NIPBL: variants seen among roughly 807,000 people sequenced by gnomAD.
NIPBL encodes the protein nipped-B-like protein.
NIPBL carries 19 observed loss-of-function variants against 321.8 expected under a neutral mutation model. The observed-to-expected ratio is 0.06, with a 90% CI of 0.04 to 0.09. The LOEUF is 0.09. Among genes scored for constraint, NIPBL ranks in the 10% least tolerant of loss-of-function variants. NIPBL has a pLI of 1.00. For missense variants in NIPBL, 2,210 were observed against 3,327.0 expected (o/e 0.66, Z 8.26); for synonymous variants, 1,106 against 1,114.1 (o/e 0.99, Z 0.14).
At chr5:37,018,532 T>C (rs544416658) in intron 24 of NIPBL, among the ~76,000 whole-genome samples, 1 of 152,308 alleles carries the variant, frequency 6.6e-6, no homozygotes, top group Admixed American at 6.5e-5. Context: ...CAGTTGTTTC[T>C]CCTAGGAATC....
chr5:36,975,023 AT>A (rs948019600), intron 8 of NIPBL, among the ~76,000 whole-genome samples: 1 of 152,000 alleles, frequency 6.6e-6, no homozygotes, highest in African/African-American at 2.4e-5. Flanking sequence ...CCATCTGATT[AT>A]TTTTAACACT....
At chr5:37,031,603 C>T (rs1751026010) in intron 32 of NIPBL, among the ~76,000 whole-genome samples, 1 of 152,146 alleles carries the variant, frequency 6.6e-6, no homozygotes, top group South Asian at 2.1e-4. Context: ...AAGGAAAATA[C>T]AGGCAATGAA....
chr5:36,893,274 G>A (rs987990090), intron 1 of NIPBL, among the ~76,000 whole-genome samples: 3 of 152,220 alleles, frequency 2.0e-5, no homozygotes, highest in Admixed American at 6.5e-5. Flanking sequence ...TTAAAGGGAT[G>A]CTTTTAAAAT....
chr5:36,886,133 G>C (rs1220567660), intron 1 of NIPBL: 5 of 649,598 alleles, frequency 7.7e-6, no homozygotes, highest in Non-Finnish European at 1.4e-5. Context: ...GATCCATCTG[G>C]ACTTGATAAG....
intron 1 of NIPBL, among the ~76,000 whole-genome samples, chr5:36,941,822 TAA>T (rs958575882): frequency 2.0e-5 from 3 of 152,186 alleles, no homozygotes; most frequent in Non-Finnish European, 4.4e-5. Flanking sequence ...ACTAAATTTT[TAA>T]AAGTTTATGT....
chr5:36,984,730 C>T lies in NIPBL; in HGVS notation c.1550C>T (p.Ala517Val), dbSNP rs778416353. 5.0e-6 allele frequency: 8 copies of T among 1,613,004 alleles called. No homozygotes were observed. In the African/African-American group the frequency reaches 1.1e-4, roughly 22 times the overall value. Residue 517 changes from alanine (A) to valine (V), a missense_variant, in exon 10 of 47, where the codon GCT (alanine) becomes GTT (valine). This residue lies in a region of NIPBL where 588 missense variants were observed against 564.1 expected (regional missense o/e 1.04). Coordinates refer to ENST00000282516, the MANE Select transcript of NIPBL (RefSeq NM_133433.4). ...TCTTACCCACAGGAGGCTGGGGGTG[C>T]TACAGGAGGTAATAGACCAGCTTCT... ...QDSYPQEAGG[A>V]TGGNRPASQE...
chr5:36,953,714 C>A lies in NIPBL; in HGVS notation c.18C>A (p.Pro6=). MNGDM[P]HVPITTLAGI... ...AATTCAGGATGAATGGGGATATGCC[C>A]CATGTCCCCATTACTACTCTTGCGG... The change falls in exon 2 of 47, where the codon CCC becomes CCA. Residue 6 remains proline (P), a synonymous_variant. Coordinates refer to ENST00000282516, the MANE Select transcript of NIPBL (RefSeq NM_133433.4). 1 of 1,613,608 alleles carries A rather than the reference C, an allele frequency of 6.2e-7. No individual in the cohort carries two copies. Among genetic ancestry groups the A allele is most frequent in the South Asian group, 1.1e-5 (1 of 91,074 alleles).
intron 1 of NIPBL, among the ~76,000 whole-genome samples, chr5:36,923,206 T>A (rs1749088416): frequency 6.6e-6 from 1 of 152,014 alleles, no homozygotes; most frequent in Non-Finnish European, 1.5e-5. Context: ...CTTGGGAGGC[T>A]GAGGCAGGAG....
At position 36,971,048 on chromosome 5, in the gene NIPBL, A is replaced by G. The variant is rs994188500; in HGVS notation, c.771+12A>G. On this transcript the variant is annotated intron_variant, in intron 7 of 46. Transcript: ENST00000282516. ...GGCTAAGTAGTGACGTATGTAATAT[A>G]TTATCATTAAGGTGATAAAATAGTT... 6.2e-7 allele frequency: 1 copy of G among 1,600,462 alleles called. No individual in the cohort carries two copies. Among genetic ancestry groups the G allele is most frequent in the Non-Finnish European group, 8.6e-7 (1 of 1,167,728 alleles).
At chr5:37,026,877 C>T (rs375841112) in intron 31 of NIPBL, among the ~76,000 whole-genome samples, 7 of 151,136 alleles carry the variant, frequency 4.6e-5, no homozygotes, top group African/African-American at 1.7e-4. Flanking sequence ...AGGCACTACA[C>T]TCCAGCCTGG....
intron 1 of NIPBL, among the ~76,000 whole-genome samples, chr5:36,907,574 G>A (rs946234101): frequency 6.6e-6 from 1 of 152,098 alleles, no homozygotes; most frequent in Non-Finnish European, 1.5e-5. Context: ...CATTGTGGGA[G>A]TAATATGACT....
intron 1 of NIPBL, among the ~76,000 whole-genome samples, chr5:36,926,492 T>G: frequency 6.6e-6 from 1 of 152,208 alleles, no homozygotes; most frequent in East Asian, 1.9e-4. Context: ...GCATACAGCA[T>G]CATCAGCATG....
chr5:37,013,185 C>T (rs1333416225), intron 21 of NIPBL, among the ~76,000 whole-genome samples: 57 of 150,888 alleles, frequency 3.8e-4, no homozygotes, highest in Admixed American at 2.2e-3. Flanking sequence ...CCCCCCACCT[C>T]CCTCCCGGAC....
intron 1 of NIPBL, among the ~76,000 whole-genome samples, chr5:36,950,917 A>G (rs981841322): frequency 2.0e-5 from 3 of 152,164 alleles, no homozygotes; most frequent in Non-Finnish European, 2.9e-5. Flanking sequence ...ACTTACATTT[A>G]TTAAAAGCTG....
intron 1 of NIPBL, among the ~76,000 whole-genome samples, chr5:36,939,441 C>T (rs1021277507): frequency 2.6e-5 from 4 of 152,102 alleles, no homozygotes; most frequent in Non-Finnish European, 5.9e-5. Context: ...AGTGTAATTT[C>T]CTTTATATCA....
chr5:37,013,064 T>C (rs1459603074), intron 21 of NIPBL, among the ~76,000 whole-genome samples: 3 of 127,556 alleles, frequency 2.4e-5, no homozygotes, highest in Non-Finnish European at 3.3e-5. Flanking sequence ...ACCTCCCTCC[T>C]GGACGGGGCA....
intron 1 of NIPBL, among the ~76,000 whole-genome samples, chr5:36,930,468 T>C (rs1045956040): frequency 6.6e-6 from 1 of 152,094 alleles, no homozygotes; most frequent in African/African-American, 2.4e-5. Context: ...TAGGATTTTC[T>C]ACATACTGGA....
At chr5:37,007,259 G>C in intron 17 of NIPBL, 64 bp from the exon 18 acceptor site, 1 of 1,374,398 alleles carries the variant, frequency 7.3e-7, no homozygotes, top group South Asian at 1.2e-5. Context: ...AACAGTTTGA[G>C]TACTGTTTAT....
chr5:36,925,558 G>A (rs1328339302), intron 1 of NIPBL, among the ~76,000 whole-genome samples: 1 of 151,984 alleles, frequency 6.6e-6, no homozygotes, highest in Admixed American at 6.6e-5. Context: ...GAGCCACCGC[G>A]CCCAGCCAGT....
Sources: gnomAD v4.1 joint callset for allele counts (sites outside exome capture counted in the v4.1 genomes callset) on GRCh38, gnomAD v4.1.1 for gene constraint, gnomAD v4.1.1 regional missense constraint, MANE v1.5 for transcripts, NCBI Gene and HGNC (gene_info 2026-07-23, HGNC 2026-07-21) for gene names.